IQCJ: variants seen among roughly 807,000 people sequenced by gnomAD.
IQCJ encodes the protein IQ domain-containing protein J.
Under a neutral mutation model 11.0 loss-of-function variants are expected in IQCJ, and 9 were observed. The ratio of observed to expected loss-of-function variants is 0.82; its 90% CI spans 0.49 to 1.43. IQCJ has a LOEUF of 1.43. Ranked by LOEUF, IQCJ falls within the 40% of genes most tolerant of loss-of-function variation. The pLI, the probability that IQCJ is intolerant of heterozygous loss-of-function variation, is 0.00. For synonymous variants in IQCJ, 55 were observed against 51.3 expected (o/e 1.07, Z -0.31); for missense variants, 146 against 133.2 (o/e 1.10, Z -0.47).
chr3:159,168,349 C>T (rs1322889499), intron 1 of IQCJ, among the ~76,000 whole-genome samples: 3 of 152,158 alleles, frequency 2.0e-5, no homozygotes, highest in East Asian at 3.8e-4. Context: ...AGACTGTCCT[C>T]CTGCAGCAAA....
intron 1 of IQCJ, among the ~76,000 whole-genome samples, chr3:159,169,544 C>T (rs1722380403): frequency 6.6e-6 from 1 of 152,126 alleles, no homozygotes; most frequent in Admixed American, 6.5e-5. Flanking sequence ...CCCGCCTCGG[C>T]CTCCCAAAGT....
intron 1 of IQCJ, among the ~76,000 whole-genome samples, chr3:159,116,919 G>A (rs1158765165): frequency 6.6e-6 from 1 of 151,818 alleles, no homozygotes; most frequent in Admixed American, 6.6e-5. Flanking sequence ...CAGCCCCTGA[G>A]AAAGAATGAG....
chr3:159,088,884 CTG>C (rs1717010355), intron 1 of IQCJ, among the ~76,000 whole-genome samples: 1 of 152,120 alleles, frequency 6.6e-6, no homozygotes, highest in Admixed American at 6.6e-5. Flanking sequence ...ATTTGCCAGT[CTG>C]TGTCTTTTAA....
rs569001909 is a variant in IQCJ at position 159,150,490 on chromosome 3, A to G, written c.9+81049A>G. Among the ~76,000 whole-genome samples the G allele has an allele frequency of 1.1e-4, 17 of 152,210 alleles. No individual in the cohort carries two copies. The South Asian group carries it at 3.5e-3, about 32-fold the overall frequency. The stretch of plus-strand genomic sequence containing the variant: ...AAAGAAGACTGGTGGAGAATTGCAG[A>G]TGGGCTCAGTAGGATGCACAGGCAT... On this transcript the variant is annotated intron_variant, in intron 1 of 3. Coordinates refer to ENST00000397832, the MANE Select transcript of IQCJ (RefSeq NM_001042706.3).
At chr3:159,177,822 A>T (rs1262723120) in intron 1 of IQCJ, among the ~76,000 whole-genome samples, 2 of 152,238 alleles carry the variant, frequency 1.3e-5, no homozygotes, top group African/African-American at 4.8e-5. Context: ...GGAGGGAGAA[A>T]GTATGAAAAT....
At chr3:159,251,621 C>CAT (rs149413911) in intron 2 of IQCJ, among the ~76,000 whole-genome samples, 50,845 of 145,238 alleles carry the variant, frequency 0.35, 9,447 homozygotes, top group Non-Finnish European at 0.43. Context: ...ATTTTTATTG[C>CAT]ACACACACAC....
At chr3:159,109,415 G>A (rs1718472699) in intron 1 of IQCJ, among the ~76,000 whole-genome samples, 2 of 150,628 alleles carry the variant, frequency 1.3e-5, no homozygotes, top group South Asian at 4.2e-4. Flanking sequence ...CTTGACTTGG[G>A]AGACAACTGC....
At chr3:159,072,365 A>T (rs1715622843) in intron 1 of IQCJ, among the ~76,000 whole-genome samples, 1 of 152,038 alleles carries the variant, frequency 6.6e-6, no homozygotes, top group South Asian at 2.1e-4. Context: ...AAGGAGAGTA[A>T]TAGGAGAATT....
At chr3:159,247,070 G>T (rs1239619889) in intron 2 of IQCJ, among the ~76,000 whole-genome samples, 1 of 152,080 alleles carries the variant, frequency 6.6e-6, no homozygotes, top group Non-Finnish European at 1.5e-5. Context: ...AGCACAACAA[G>T]CTTATTTAAT....
chr3:159,200,104 AATATATAT>A (rs539820364), intron 1 of IQCJ, among the ~76,000 whole-genome samples: 1 of 116,956 alleles, frequency 8.6e-6, no homozygotes. Flanking sequence ...TTTATACATA[AATATATAT>A]ATATATATCA....
intron 1 of IQCJ, among the ~76,000 whole-genome samples, chr3:159,141,984 A>T (rs1720630792): frequency 6.6e-6 from 1 of 152,220 alleles, no homozygotes. Flanking sequence ...AAGATAAAAG[A>T]TTAGCATTAG....
intron 1 of IQCJ, among the ~76,000 whole-genome samples, chr3:159,080,321 G>A (rs2108056686): frequency 6.6e-6 from 1 of 152,194 alleles, no homozygotes; most frequent in East Asian, 1.9e-4. Context: ...TTTTTAAGGT[G>A]TGAGAATAAA....
At chr3:159,167,225 T>C (rs1031241152) in intron 1 of IQCJ, among the ~76,000 whole-genome samples, 2 of 152,242 alleles carry the variant, frequency 1.3e-5, no homozygotes, top group Non-Finnish European at 2.9e-5. Flanking sequence ...CTTCTATAGC[T>C]TTTTATAACA....
At chr3:159,189,002 G>A (rs1723530704) in intron 1 of IQCJ, among the ~76,000 whole-genome samples, 1 of 152,138 alleles carries the variant, frequency 6.6e-6, no homozygotes, top group African/African-American at 2.4e-5. Flanking sequence ...TAGTGATGGG[G>A]TTGGGAGAGG....
chr3:159,202,848 G>T (rs1333845957), intron 1 of IQCJ, among the ~76,000 whole-genome samples: 7 of 152,042 alleles, frequency 4.6e-5, no homozygotes, highest in African/African-American at 1.7e-4. Flanking sequence ...CTTGTTTTGG[G>T]TCTGTAGAAC....
intron 1 of IQCJ, among the ~76,000 whole-genome samples, chr3:159,211,700 C>T (rs1386498312): frequency 6.6e-6 from 1 of 152,148 alleles, no homozygotes; most frequent in African/African-American, 2.4e-5. Flanking sequence ...AGGTGCAACT[C>T]TTTTCATTGG....
At chr3:159,248,593 T>TA (rs1203184111) in intron 2 of IQCJ, among the ~76,000 whole-genome samples, 1 of 152,188 alleles carries the variant, frequency 6.6e-6, no homozygotes, top group Non-Finnish European at 1.5e-5. Context: ...GGGAGCTTAA[T>TA]AAAAATGCCC....
At chr3:159,214,914 C>G (rs1193300985) in intron 1 of IQCJ, among the ~76,000 whole-genome samples, 1 of 152,120 alleles carries the variant, frequency 6.6e-6, no homozygotes, top group African/African-American at 2.4e-5. Context: ...ATATTGTTAC[C>G]CCCTTTCAGT....
chr3:159,078,813 G>A (rs563902984), intron 1 of IQCJ, among the ~76,000 whole-genome samples: 4 of 151,794 alleles, frequency 2.6e-5, no homozygotes, highest in Non-Finnish European at 4.4e-5. Context: ...TATAATCTTG[G>A]GCAAACTGTT....
Sources: allele counts gnomAD v4.1 joint callset (sites outside exome capture counted in the v4.1 genomes callset), GRCh38; gene constraint gnomAD v4.1.1; transcripts MANE v1.5; gene names NCBI Gene and HGNC (gene_info 2026-07-23, HGNC 2026-07-21).